SORL1: variants seen among roughly 807,000 people sequenced by gnomAD.
The protein encoded by SORL1 is sortilin-related receptor.
In SORL1, 127 loss-of-function variants were observed where a neutral mutation model predicts 273.7. That is an observed-to-expected ratio of 0.46 (90% CI 0.40 to 0.54). SORL1 has a LOEUF of 0.54. Ranked by LOEUF, SORL1 falls within the 20% of genes least tolerant of loss-of-function variation. The pLI is 0.00. For missense variants in SORL1, 2,494 were observed against 2,846.1 expected, an observed-to-expected ratio of 0.88 and a Z score of 2.81; for synonymous variants, 1,031 against 1,067.4, an observed-to-expected ratio of 0.97 and a Z score of 0.66.
At chr11:121,454,662 G>C (rs1338137131) in intron 1 of SORL1, among the ~76,000 whole-genome samples, 1 of 152,200 alleles carries the variant, frequency 6.6e-6, no homozygotes, top group Non-Finnish European at 1.5e-5. Context: ...TTAATAAGAA[G>C]TGGAATTAAT....
chr11:121,567,114 G>C lies in SORL1; in HGVS notation c.3223+1G>C. The C allele has an allele frequency of 6.2e-7, 1 of 1,608,870 alleles. No individual in the cohort carries two copies. Among genetic ancestry groups the C allele is most frequent in the Non-Finnish European group, 8.5e-7 (1 of 1,177,646 alleles). On this transcript the variant is annotated splice_donor_variant, in intron 22 of 47. Coordinates refer to ENST00000260197, the MANE Select transcript of SORL1 (RefSeq NM_003105.6). LOFTEE classifies it high-confidence loss of function. ...AAGAACAATACCTGTGTCAAACAAG[G>C]TACTTCCCTTTTTCTTTTTTGCCTG...
intron 11 of SORL1, among the ~76,000 whole-genome samples, chr11:121,524,405 C>T (rs1264997549): frequency 6.6e-6 from 1 of 152,224 alleles, no homozygotes; most frequent in Non-Finnish European, 1.5e-5. Flanking sequence ...TGCCTCCCTC[C>T]ACACGTGCCT....
chr11:121,521,505 GTTTA>G (rs779575082), intron 9 of SORL1, among the ~76,000 whole-genome samples: 1 of 152,140 alleles, frequency 6.6e-6, no homozygotes, highest in Non-Finnish European at 1.5e-5. Context: ...TGACTAATCA[GTTTA>G]TTTATGAACT....
At chr11:121,527,842 T>C (rs919758507) in intron 11 of SORL1, among the ~76,000 whole-genome samples, 1 of 152,138 alleles carries the variant, frequency 6.6e-6, no homozygotes, top group Non-Finnish European at 1.5e-5. Flanking sequence ...ATATTGGTGA[T>C]ATGTGTATTT....
At chr11:121,464,185 T>C (rs1430782037) in intron 1 of SORL1, among the ~76,000 whole-genome samples, 2 of 152,208 alleles carry the variant, frequency 1.3e-5, no homozygotes, top group Non-Finnish European at 2.9e-5. Context: ...GACTGCAAGC[T>C]GTGGGAGTCT....
At chr11:121,615,419 C>T (rs1863626029) in intron 41 of SORL1, among the ~76,000 whole-genome samples, 1 of 152,104 alleles carries the variant, frequency 6.6e-6, no homozygotes, top group African/African-American at 2.4e-5. Flanking sequence ...AAAATCCTCC[C>T]TTCTATAGTT....
intron 35 of SORL1, among the ~76,000 whole-genome samples, chr11:121,606,325 A>G (rs1863472293): frequency 6.6e-6 from 1 of 152,224 alleles, no homozygotes; most frequent in South Asian, 2.1e-4. Context: ...TGTCTGCTTG[A>G]ATGTCATCTT....
chr11:121,507,627 CTATT>C (rs1477692182), intron 6 of SORL1, among the ~76,000 whole-genome samples: 5 of 151,970 alleles, frequency 3.3e-5, no homozygotes, highest in Admixed American at 3.3e-4. Flanking sequence ...AAAAATATTT[CTATT>C]TCTTTATTGA....
intron 1 of SORL1, among the ~76,000 whole-genome samples, chr11:121,462,807 ACTC>A (rs1861022091): frequency 6.6e-6 from 1 of 151,266 alleles, no homozygotes; most frequent in Admixed American, 6.6e-5. Context: ...CTGGTCTTGA[ACTC>A]CTGGGCTCGA....
chr11:121,623,002 A>G (rs886212989), intron 45 of SORL1, among the ~76,000 whole-genome samples: 6 of 152,276 alleles, frequency 3.9e-5, no homozygotes, highest in Non-Finnish European at 7.3e-5. Context: ...GCAATACCAA[A>G]GCAAAGTGAA....
intron 25 of SORL1, among the ~76,000 whole-genome samples, chr11:121,582,992 GC>G (rs1293499154): frequency 2.0e-5 from 3 of 152,322 alleles, no homozygotes; most frequent in Admixed American, 2.0e-4. Context: ...AGCACAGGCT[GC>G]CGCTCCTTAT....
rs776512097 is a variant in SORL1, at chr11:121,574,310, A to G, written c.3407A>G (p.Tyr1136Cys). The change falls in exon 24 of 48, where the codon TAT (tyrosine) becomes TGT (cysteine). Residue 1136 changes from tyrosine to cysteine, a missense_variant. Physicochemically the swap from Tyr to Cys is radical, Grantham distance 194 (BLOSUM62 -2). Coordinates refer to ENST00000260197, the MANE Select transcript of SORL1 (RefSeq NM_003105.6). ...QESGTCIPLS[Y>C]KCDLEDDCGD... ...TCTGGGACTTGTATCCCACTGTCCT[A>G]TAAATGTGACCTTGAGGATGACTGT... 2 of 1,613,748 alleles carry G rather than the reference A, an allele frequency of 1.2e-6. No homozygotes were observed. The highest frequency in any genetic ancestry group is 2.7e-5 in the African/African-American group (2 of 75,056).
intron 26 of SORL1, among the ~76,000 whole-genome samples, chr11:121,585,500 T>TACACACACAC (rs58254356): frequency 0.011 from 1,556 of 137,474 alleles, 11 homozygotes; most frequent in African/African-American, 0.028. Flanking sequence ...AAAATGTATA[T>TACACACACAC]ACACACACAC....
chr11:121,523,326 C>T (rs1427729445), intron 11 of SORL1, among the ~76,000 whole-genome samples: 1 of 152,076 alleles, frequency 6.6e-6, no homozygotes, highest in African/African-American at 2.4e-5. Context: ...ATATATGCTG[C>T]ATGTATCAGC....
intron 3 of SORL1, among the ~76,000 whole-genome samples, chr11:121,479,327 G>A (rs762623014): frequency 2.0e-5 from 3 of 152,106 alleles, no homozygotes; most frequent in Non-Finnish European, 4.4e-5. Context: ...TTGTGTTACC[G>A]TGTTTGTTTC....
intron 27 of SORL1, among the ~76,000 whole-genome samples, chr11:121,587,626 C>G (rs1481437030): frequency 1.3e-5 from 2 of 152,184 alleles, no homozygotes; most frequent in Admixed American, 1.3e-4. Context: ...TAGTTCCTTA[C>G]AGAAAAATTT....
At chr11:121,536,813 G>A (rs555578069) in intron 12 of SORL1, among the ~76,000 whole-genome samples, 1 of 152,060 alleles carries the variant, frequency 6.6e-6, no homozygotes, top group Non-Finnish European at 1.5e-5. Context: ...TGTGTGCTAG[G>A]AAAGATTCGA....
chr11:121,506,632 C>T (rs186075216), intron 6 of SORL1, among the ~76,000 whole-genome samples: 7 of 152,322 alleles, frequency 4.6e-5, no homozygotes, highest in African/African-American at 1.7e-4. Context: ...TGGGTGGGGA[C>T]ACAGCCAAAC....
At chr11:121,481,512 A>G (rs1861386618) in intron 3 of SORL1, among the ~76,000 whole-genome samples, 1 of 99,466 alleles carries the variant, frequency 1.0e-5, no homozygotes. Flanking sequence ...GGCAGGCTTC[A>G]TCTCCTCCTC....
Sources: allele counts gnomAD v4.1 joint callset (sites outside exome capture counted in the v4.1 genomes callset), GRCh38; gene constraint gnomAD v4.1.1; transcripts MANE v1.5; gene names NCBI Gene and HGNC (gene_info 2026-07-23, HGNC 2026-07-21).